The following KYNU variants were observed in gnomAD, a reference collection of about 807,000 sequenced individuals.
KYNU encodes the protein kynureninase, also known as L-kynurenine hydrolase.
A neutral mutation model predicts 59.2 loss-of-function variants in KYNU; 54 were observed. That is an observed-to-expected ratio of 0.91 (90% CI 0.73 to 1.14). The LOEUF (loss-of-function observed/expected upper bound fraction) is 1.14, where lower values mean the gene tolerates loss of function less well. KYNU is among the 50% of genes most tolerant of loss of function. The pLI, the probability that KYNU is intolerant of heterozygous loss-of-function variation, is 0.00. For synonymous variants in KYNU, 177 were observed against 192.0 expected, an observed-to-expected ratio of 0.92 and a Z score of 0.65; for missense variants, 567 against 554.4, an observed-to-expected ratio of 1.02 and a Z score of -0.23.
At chr2:143,020,847 C>A (rs1439784935) in intron 10 of KYNU, among the ~76,000 whole-genome samples, 1 of 152,116 alleles carries the variant, frequency 6.6e-6, no homozygotes, top group Non-Finnish European at 1.5e-5. Flanking sequence ...ATCTTTATAA[C>A]TTTGGTAGCT....
chr2:143,016,914 C>T (rs933495612), intron 10 of KYNU, among the ~76,000 whole-genome samples: 9 of 152,020 alleles, frequency 5.9e-5, no homozygotes, highest in East Asian at 1.9e-4. Flanking sequence ...TTTAGTAGTC[C>T]GCAGTGTCTG....
intron 10 of KYNU, chr2:142,988,914 A>T: frequency 1.3e-6 from 2 of 1,592,904 alleles, no homozygotes; most frequent in Non-Finnish European, 1.7e-6. Context: ...GGTATTTTCC[A>T]GTCATCACTT....
intron 4 of KYNU, among the ~76,000 whole-genome samples, chr2:142,945,187 G>A (rs1683731464): frequency 6.6e-6 from 1 of 152,132 alleles, no homozygotes; most frequent in South Asian, 2.1e-4. Context: ...TCCTTTCATG[G>A]AAGAAATCTC....
rs72988617 is a variant in KYNU, at chr2:142,918,553, C to T, written c.170-56C>T. ...AATTATTTGTACTGGCTTAACAATA[C>T]CATACTGAAAAAGCTTTTATTTTTT... On this transcript the variant is annotated intron_variant, in intron 2 of 13. Coordinates refer to ENST00000264170, the MANE Select transcript of KYNU (RefSeq NM_003937.3). 227 of 1,463,150 alleles carry T rather than the reference C, an allele frequency of 1.6e-4. 1 individual carries two copies. The African/African-American group carries it at 2.9e-3, about 19-fold the overall frequency. 90.6% of individuals were successfully genotyped at this position (1,463,150 alleles called of 1,614,324 possible).
chr2:142,927,683 G>T lies in KYNU; in HGVS notation c.315G>T (p.Gly105=), dbSNP rs1683087695. 5 of 1,613,246 alleles carry T rather than the reference G, an allele frequency of 3.1e-6. No homozygotes were observed. Among genetic ancestry groups the T allele is most frequent in the Non-Finnish European group, 4.2e-6 (5 of 1,179,468 alleles). ...AKIAAYGHEV[G]KRPWITGDES... is the part of the protein sequence containing the mutation. Reference sequence around the variant, plus strand: ...GAGCAGCCTATGGTCATGAAGTGGGGAAGCGTCCTTGGATTACAGGAGATG... The same window carrying T: ...GAGCAGCCTATGGTCATGAAGTGGGTAAGCGTCCTTGGATTACAGGAGATG... Residue 105 remains glycine (G), a synonymous_variant, in exon 4 of 14, where the codon GGG becomes GGT. Coordinates refer to ENST00000264170, the MANE Select transcript of KYNU (RefSeq NM_003937.3).
intron 8 of KYNU, among the ~76,000 whole-genome samples, chr2:142,965,703 T>G (rs1684504455): frequency 6.6e-6 from 1 of 152,140 alleles, no homozygotes; most frequent in South Asian, 2.1e-4. Flanking sequence ...ACTCACTGCT[T>G]CCTGAAATGG....
chr2:142,901,930 T>C (rs1294635038), intron 2 of KYNU, among the ~76,000 whole-genome samples: 1 of 152,222 alleles, frequency 6.6e-6, no homozygotes, highest in Non-Finnish European at 1.5e-5. Flanking sequence ...CAATTACCTG[T>C]TGACAGTTAT....
chr2:142,966,502 A>C (rs1273643316), intron 8 of KYNU, among the ~76,000 whole-genome samples: 2 of 152,164 alleles, frequency 1.3e-5, no homozygotes, highest in African/African-American at 2.4e-5. Flanking sequence ...CTGCATGCTC[A>C]AGAACAGCTG....
intron 10 of KYNU, among the ~76,000 whole-genome samples, chr2:143,019,783 T>TAA (rs1686356842): frequency 6.6e-6 from 1 of 152,122 alleles, no homozygotes; most frequent in African/African-American, 2.4e-5. Flanking sequence ...ATCCATCACG[T>TAA]CTTTGGATTT....
intron 10 of KYNU, among the ~76,000 whole-genome samples, chr2:142,988,031 C>T (rs987532013): frequency 1.3e-5 from 2 of 151,856 alleles, no homozygotes; most frequent in African/African-American, 4.8e-5. Flanking sequence ...CCTGCAAAAC[C>T]ATGAACAAAT....
rs1250955820 is a variant in KYNU, at chr2:143,044,542, G to T, written c.*2370G>T. 2 of 152,114 alleles carry T rather than the reference G, an allele frequency of 1.3e-5. No individual in the cohort carries two copies. Among genetic ancestry groups the T allele is most frequent in the African/African-American group, 4.8e-5 (2 of 41,400 alleles). 9.4% of individuals were successfully genotyped at this position (152,114 alleles called of 1,614,324 possible). The stretch of plus-strand genomic sequence containing the variant: ...TTAGCATTCTAACTGGCGTGAGATG[G>T]TATTTCATTGTGGTTTTGATTTGCA... On this transcript the variant is annotated 3_prime_UTR_variant, in exon 14 of 14. Transcript: ENST00000264170.
chr2:142,998,754 A>C (rs1038243703), intron 10 of KYNU, among the ~76,000 whole-genome samples: 1 of 152,124 alleles, frequency 6.6e-6, no homozygotes, highest in African/African-American at 2.4e-5. Flanking sequence ...TCATACCTGT[A>C]ATCTGACACT....
chr2:142,939,919 A>C (rs1683537228), intron 4 of KYNU, among the ~76,000 whole-genome samples: 1 of 152,178 alleles, frequency 6.6e-6, no homozygotes, highest in Non-Finnish European at 1.5e-5. Context: ...CTGGATGCTT[A>C]GGTCTGGAAC....
intron 2 of KYNU, among the ~76,000 whole-genome samples, chr2:142,907,473 G>A (rs1055802498): frequency 3.9e-5 from 6 of 152,236 alleles, no homozygotes; most frequent in Non-Finnish European, 8.8e-5. Context: ...ATCCAGAGGG[G>A]TGGGAGTCAA....
intron 2 of KYNU, among the ~76,000 whole-genome samples, chr2:142,890,941 T>G (rs1367128805): frequency 6.6e-6 from 1 of 152,214 alleles, no homozygotes; most frequent in Non-Finnish European, 1.5e-5. Context: ...TACATTTAAT[T>G]TTAAACTAAA....
In KYNU at chr2:143,048,555, T is replaced by C. The variant is rs976115801; in HGVS notation, c.*6383T>C. Reference sequence around the variant, plus strand: ...TTTATTTATGGATGAAGTACATATATAATTTATTACAATTCATTTTAATGA... The same window carrying C: ...TTTATTTATGGATGAAGTACATATACAATTTATTACAATTCATTTTAATGA... On this transcript the variant is annotated 3_prime_UTR_variant, in exon 14 of 14. Coordinates refer to ENST00000264170, the MANE Select transcript of KYNU (RefSeq NM_003937.3). 3.3e-5 allele frequency: 5 copies of C among 152,226 alleles called. No individual in the cohort carries two copies. The highest frequency in any genetic ancestry group is 1.2e-4 in the African/African-American group (5 of 41,468). 9.4% of individuals were successfully genotyped at this position (152,226 alleles called of 1,614,324 possible). A position where few individuals can be genotyped will look rare whatever the true frequency, so the allele number is the denominator to read the frequency against.
chr2:142,996,555 G>A (rs1685551794), intron 10 of KYNU, among the ~76,000 whole-genome samples: 1 of 152,028 alleles, frequency 6.6e-6, no homozygotes, highest in South Asian at 2.1e-4. Flanking sequence ...GAAGAGGGAT[G>A]TTGGGAGAAC....
At chr2:142,940,480 C>T (rs945429806) in intron 4 of KYNU, among the ~76,000 whole-genome samples, 2 of 152,146 alleles carry the variant, frequency 1.3e-5, no homozygotes, top group African/African-American at 4.8e-5. Context: ...TCTATTGCAA[C>T]TTATTAAATG....
chr2:142,968,985 C>G (rs1185272841), intron 8 of KYNU, among the ~76,000 whole-genome samples: 1 of 152,112 alleles, frequency 6.6e-6, no homozygotes, highest in African/African-American at 2.4e-5. Context: ...TATGAAAGGA[C>G]AGATCCATTT....
Sources: allele counts gnomAD v4.1 joint callset (sites outside exome capture counted in the v4.1 genomes callset), GRCh38; gene constraint gnomAD v4.1.1; transcripts MANE v1.5; gene names NCBI Gene and HGNC (gene_info 2026-07-23, HGNC 2026-07-21).